Variants in PFKL observed in about 807,000 individuals in gnomAD.
The protein encoded by PFKL is phosphofructokinase, liver type, also known as ATP-dependent 6-phosphofructokinase, liver type.
PFKL carries 74 observed loss-of-function variants against 92.1 expected under a neutral mutation model. The ratio of observed to expected loss-of-function variants is 0.80; its 90% confidence interval spans 0.67 to 0.97. The LOEUF (loss-of-function observed/expected upper bound fraction) is 0.97. PFKL is among the 50% of genes least tolerant of loss of function. The probability of loss-of-function intolerance (pLI) is 0.00; values close to 1 mark genes in which losing one functional copy is unlikely to be tolerated. For missense variants in PFKL, 1,028 were observed against 1,116.6 expected, an observed-to-expected ratio of 0.92 and a Z score of 1.13; for synonymous variants, 494 against 456.4, an observed-to-expected ratio of 1.08 and a Z score of -1.05.
At chr21:44,308,075 C>T (rs1034366937) in intron 2 of PFKL, among the ~76,000 whole-genome samples, 1 of 152,106 alleles carries the variant, frequency 6.6e-6, no homozygotes, top group African/African-American at 2.4e-5. Flanking sequence ...TACAGGGACG[C>T]AGCGTGAGGC....
intron 18 of PFKL, 64 bp downstream of exon 18, chr21:44,324,981 G>A: frequency 6.8e-7 from 1 of 1,472,720 alleles, no homozygotes; most frequent in Non-Finnish European, 9.3e-7. Context: ...GGGTGGGGCT[G>A]CTGAGGAGCG....
chr21:44,314,545 G>A (rs2047147261), intron 7 of PFKL: 2 of 152,942 alleles, frequency 1.3e-5, no homozygotes, highest in Non-Finnish European at 2.9e-5. Context: ...GGAAGCAGGA[G>A]AGGGTGGGGA....
chr21:44,302,672 T>G (rs1227055849), intron 1 of PFKL, among the ~76,000 whole-genome samples: 1 of 152,174 alleles, frequency 6.6e-6, no homozygotes, highest in East Asian at 1.9e-4. Flanking sequence ...AGTCTGCGTT[T>G]GTTGGATGTA....
chr21:44,318,944 G>A (rs2047285208), intron 10 of PFKL, among the ~76,000 whole-genome samples: 1 of 152,164 alleles, frequency 6.6e-6, no homozygotes, highest in African/African-American at 2.4e-5. Flanking sequence ...AGAGCCCTGG[G>A]AGGAGCTCAG....
At chr21:44,324,459 T>C (rs2047441787) in intron 16 of PFKL, 32 bp from the exon 17 acceptor site, 12 of 1,609,952 alleles carry the variant, frequency 7.5e-6, no homozygotes, top group Non-Finnish European at 1.0e-5. Flanking sequence ...GGTGGGCACG[T>C]GGAGGACCCC....
intron 13 of PFKL, 109 bp downstream of exon 13, chr21:44,321,984 C>T (rs778485312): frequency 5.0e-5 from 73 of 1,450,412 alleles, no homozygotes; most frequent in African/African-American, 8.5e-5. Flanking sequence ...GACCTGGGTC[C>T]GCGTGTCGGT....
intron 2 of PFKL, 57 bp downstream of exon 2, chr21:44,306,811 C>G (rs2070569): frequency 0.42 from 610,878 of 1,459,764 alleles, 131,156 homozygotes; most frequent in East Asian, 0.62. Flanking sequence ...GAGGCGCATG[C>G]CGAGGTGTGT....
Position 44,323,089 on chromosome 21 carries a change from G to A in PFKL, c.1497+40G>A, listed in dbSNP as rs138449965. The A allele has an allele frequency of 5.0e-4, 759 of 1,518,116 alleles. 3 individuals are homozygous for A. The African/African-American group carries it at 7.0e-3, about 14-fold the overall frequency. 94.0% of individuals were successfully genotyped at this position (1,518,116 alleles called of 1,614,324 possible). On this transcript the variant is annotated intron_variant, in intron 15 of 21. Transcript: ENST00000349048. ...CGGACGAAAAAGCCCCAGGGCACAG[G>A]AGACCCAAGGTGTCCTCCCGCCGAG...
At chr21:44,300,280 C>CCGGGTCT in intron 1 of PFKL, 90 bp downstream of exon 1, 1 of 584,764 alleles carries the variant, frequency 1.7e-6, no homozygotes, top group Non-Finnish European at 2.2e-6. Context: ...GCCCCGGGAC[C>CCGGGTCT]CGGGTCTCGG....
intron 1 of PFKL, among the ~76,000 whole-genome samples, chr21:44,301,889 A>G (rs2040784454): frequency 6.6e-6 from 1 of 151,610 alleles, no homozygotes; most frequent in African/African-American, 2.4e-5. Flanking sequence ...CTGCCACCCC[A>G]TGCACAGACT....
rs753677947 is a variant in PFKL at position 44,325,237 on chromosome 21, G to A, written c.1962G>A (p.Arg654=). Residue 654 remains arginine (R), a synonymous_variant, in exon 19 of 22, where the codon AGG becomes AGA. Coordinates refer to ENST00000349048, the MANE Select transcript of PFKL (RefSeq NM_002626.6). ...SSEGKGVFDC[R]TNVLGHLQQG... is the part of the protein sequence containing the mutation. ...AGGGCAAGGGCGTCTTCGACTGCAG[G>A]ACCAATGTCCTGGGCCACCTGCAGC... is the stretch of plus-strand genomic sequence containing the variant. The A allele has an allele frequency of 5.0e-6, 8 of 1,612,090 alleles. No individual in the cohort carries two copies. Among genetic ancestry groups the A allele is most frequent in the Non-Finnish European group, 6.8e-6 (8 of 1,178,986 alleles).
At chr21:44,300,490 C>A (rs1218969815) in intron 1 of PFKL, among the ~76,000 whole-genome samples, 1 of 152,198 alleles carries the variant, frequency 6.6e-6, no homozygotes, top group East Asian at 1.9e-4. Context: ...GAGGAGTCCC[C>A]GAGGCCACGC....
chr21:44,323,830 T>C lies in PFKL; in HGVS notation c.1562T>C (p.Met521Thr), dbSNP rs376634589. ...RGRYEELCIVMCVIPATISNN... is the reference protein window; with the variant it reads ...RGRYEELCIVTCVIPATISNN... ...CGCTACGAGGAGCTCTGCATCGTCA[T>C]GTGTGTCATCCCAGCCACCATCAGC... The change falls in exon 16 of 22, where the codon ATG becomes ACG. Residue 521 changes from methionine to threonine, a missense_variant. By Grantham distance (81) the Met-to-Thr change is moderately conservative. Transcript: ENST00000349048. 17 of 1,613,190 alleles carry C rather than the reference T, an allele frequency of 1.1e-5. No individual in the cohort carries two copies. The highest frequency in any genetic ancestry group is 1.3e-5 in the African/African-American group (1 of 74,902).
At chr21:44,318,376 C>T (rs2047265590) in intron 9 of PFKL, 94 bp from the exon 10 acceptor site, 2 of 1,310,098 alleles carry the variant, frequency 1.5e-6, no homozygotes, top group Admixed American at 2.9e-5. Context: ...GTGGGGGGCT[C>T]TGGAAGCTGG....
At position 44,305,482 on chromosome 21, in the gene PFKL, G is replaced by A. The variant is rs1257543867; in HGVS notation, c.86-1199G>A. The A allele has an allele frequency of 7.1e-6, 9 of 1,274,010 alleles. 1 individual carries two copies. The highest frequency in any genetic ancestry group is 9.3e-6 in the Non-Finnish European group (9 of 965,998). The allele number at this position is 1,274,010 out of a possible 1,614,324, so 78.9% of individuals were successfully genotyped here. A position where few individuals can be genotyped will look rare whatever the true frequency, so the allele number is the denominator to read the frequency against. The stretch of plus-strand genomic sequence containing the variant: ...GGGCAGGGGCTTTTGAGGGGCACGA[G>A]GCTTGGGGACAGAGGACCCGCATGG... On this transcript the variant is annotated intron_variant, in intron 1 of 21. Transcript: ENST00000349048.
intron 15 of PFKL, among the ~76,000 whole-genome samples, chr21:44,323,555 G>A (rs2047414646): frequency 6.6e-6 from 1 of 152,158 alleles, no homozygotes; most frequent in South Asian, 2.1e-4. Context: ...ACCCTCCTTA[G>A]AGTCCAGTTT....
At position 44,312,950 on chromosome 21, in the gene PFKL, CCAGGTCCT is replaced by C. The variant is rs1568952525; in HGVS notation, c.428-26_428-19del. The stretch of plus-strand genomic sequence containing the variant: ...TGTGGTGGGGCCAGTGGAGCCTCAG[CCAGGTCCT>C]CCTGCTGCTCCTGGCCCAGGTAAGA... On this transcript the variant is annotated intron_variant, in intron 4 of 21. Transcript: ENST00000349048. The C allele has an allele frequency of 6.2e-7, 1 of 1,609,612 alleles. No individual in the cohort carries two copies. The highest frequency in any genetic ancestry group is 2.2e-5 in the East Asian group (1 of 44,824).
intron 17 of PFKL, 54 bp downstream of exon 17, chr21:44,324,709 C>T (rs1175450609): frequency 9.6e-6 from 15 of 1,559,934 alleles, no homozygotes; most frequent in Admixed American, 1.8e-5. Flanking sequence ...CCAGCCTGGG[C>T]CCCAGACACT....
chr21:44,318,322 C>A, intron 9 of PFKL, 148 bp from the exon 10 acceptor site: 2 of 780,356 alleles, frequency 2.6e-6, no homozygotes, highest in Non-Finnish European at 3.7e-6. Context: ...TGGTCAGACA[C>A]GTTTCCATCT....
Sources: gnomAD v4.1 joint callset for allele counts (sites outside exome capture counted in the v4.1 genomes callset) on GRCh38, gnomAD v4.1.1 for gene constraint, MANE v1.5 for transcripts, NCBI Gene and HGNC (gene_info 2026-07-23, HGNC 2026-07-21) for gene names.